Variants in SGPP1 observed in about 807,000 individuals in gnomAD.
SGPP1 encodes the protein sphingosine-1-phosphate phosphatase 1.
A neutral mutation model predicts 33.0 loss-of-function variants in SGPP1; 21 were observed. The observed-to-expected ratio is 0.64, with a 90% confidence interval of 0.45 to 0.92. SGPP1 has a LOEUF of 0.92. Ranked by LOEUF, SGPP1 falls within the 40% of genes least tolerant of loss-of-function variation. The pLI is 0.00. For synonymous variants in SGPP1, 239 were observed against 241.2 expected, an observed-to-expected ratio of 0.99 and a Z score of 0.08; for missense variants, 543 against 589.4, an observed-to-expected ratio of 0.92 and a Z score of 0.81.
At chr14:63,695,242 G>C (rs900192735) in intron 2 of SGPP1, among the ~76,000 whole-genome samples, 1 of 152,038 alleles carries the variant, frequency 6.6e-6, no homozygotes, top group East Asian at 1.9e-4. Flanking sequence ...ATTTTTAGTA[G>C]AGACGGGGTT....
At chr14:63,701,246 A>C (rs1372344278) in intron 1 of SGPP1, among the ~76,000 whole-genome samples, 2 of 152,092 alleles carry the variant, frequency 1.3e-5, no homozygotes, top group Non-Finnish European at 2.9e-5. Flanking sequence ...GGCCTCCCAC[A>C]GTACTGAGAT....
chr14:63,687,722 T>C (rs1885008325), intron 2 of SGPP1, among the ~76,000 whole-genome samples: 1 of 152,194 alleles, frequency 6.6e-6, no homozygotes, highest in Non-Finnish European at 1.5e-5. Flanking sequence ...TGATAGGAGC[T>C]GGGTGCAGTG....
rs762934191 is a variant in SGPP1, at chr14:63,686,561, A to G, written c.870T>C (p.Tyr290=). 13 of 1,614,128 alleles carry G rather than the reference A, an allele frequency of 8.1e-6. No homozygotes were observed. Among genetic ancestry groups the G allele is most frequent in the Non-Finnish European group, 1.1e-5 (13 of 1,179,980 alleles). ...LIDNFNQTHK[Y]APFIIIGLHL... Reference sequence around the variant, plus strand: ...GAAGCCCGATGATGATGAATGGAGCATATTTGTGAGTTTGGTTGAAGTTGT... The same window carrying G: ...GAAGCCCGATGATGATGAATGGAGCGTATTTGTGAGTTTGGTTGAAGTTGT... Residue 290 remains tyrosine, a synonymous_variant, in exon 3 of 3, where the codon TAT becomes TAC. Transcript: ENST00000247225.
intron 1 of SGPP1, among the ~76,000 whole-genome samples, chr14:63,721,887 C>T (rs543339511): frequency 6.6e-6 from 1 of 152,284 alleles, no homozygotes; most frequent in African/African-American, 2.4e-5. Context: ...TATGTATGTA[C>T]ATACACAAAC....
chr14:63,689,710 C>T (rs557576527), intron 2 of SGPP1, among the ~76,000 whole-genome samples: 77 of 151,682 alleles, frequency 5.1e-4, no homozygotes, highest in African/African-American at 1.8e-3. Flanking sequence ...GCAGGAGAAT[C>T]GCTTAGAACC....
intron 1 of SGPP1, among the ~76,000 whole-genome samples, chr14:63,717,928 G>A (rs1054464180): frequency 6.6e-6 from 1 of 152,118 alleles, no homozygotes; most frequent in African/African-American, 2.4e-5. Context: ...AAGCCAGAAG[G>A]CAATGGTACA....
At chr14:63,710,472 A>G (rs2139646451) in intron 1 of SGPP1, among the ~76,000 whole-genome samples, 1 of 152,294 alleles carries the variant, frequency 6.6e-6, no homozygotes, top group Non-Finnish European at 1.5e-5. Flanking sequence ...AATAACAGAA[A>G]CCAATTTAGA....
At chr14:63,704,045 T>C (rs1166045848) in intron 1 of SGPP1, among the ~76,000 whole-genome samples, 1 of 152,066 alleles carries the variant, frequency 6.6e-6, no homozygotes, top group Non-Finnish European at 1.5e-5. Flanking sequence ...CAGGCTGGTC[T>C]CCAACTCCTG....
At chr14:63,719,567 G>A (rs1362629146) in intron 1 of SGPP1, among the ~76,000 whole-genome samples, 1 of 151,734 alleles carries the variant, frequency 6.6e-6, no homozygotes, top group Non-Finnish European at 1.5e-5. Context: ...AAAACTAAAG[G>A]TATTGGAATA....
intron 1 of SGPP1, among the ~76,000 whole-genome samples, chr14:63,702,331 A>G (rs1885316744): frequency 6.6e-6 from 1 of 152,282 alleles, no homozygotes; most frequent in East Asian, 1.9e-4. Context: ...AGAAAACAAA[A>G]TAAGTCATTT....
intron 1 of SGPP1, among the ~76,000 whole-genome samples, chr14:63,725,315 A>G (rs898567113): frequency 4.6e-5 from 7 of 152,194 alleles, no homozygotes; most frequent in Non-Finnish European, 1.0e-4. Flanking sequence ...CAGAGGTTGC[A>G]GTGAGCCGAG....
In SGPP1 at chr14:63,708,297, C is replaced by T. The variant is rs183797258; in HGVS notation, c.685-9639G>A. On this transcript the variant is annotated intron_variant, in intron 1 of 2. Transcript: ENST00000247225. ...TTGAGATGGAGTTTCCCTCTTGTCTCCCAGGCTGGAGTGCAATGCCCCATC... is the reference window on the plus strand; with the variant it reads ...TTGAGATGGAGTTTCCCTCTTGTCTTCCAGGCTGGAGTGCAATGCCCCATC... 6.7e-5 allele frequency among the ~76,000 whole-genome samples: 9 copies of T among 133,768 alleles called. No individual in the cohort carries two copies. In the East Asian group the frequency reaches 1.7e-3, roughly 26 times the overall value. The allele number at this position is 133,768 out of a possible 152,430, so 87.8% of individuals were successfully genotyped here.
chr14:63,685,943 G>C lies in SGPP1; in HGVS notation c.*162C>G. The C allele has an allele frequency of 2.0e-6, 1 of 504,060 alleles. No homozygotes were observed. Among genetic ancestry groups the C allele is most frequent in the Non-Finnish European group, 3.5e-6 (1 of 286,542 alleles). The allele number at this position is 504,060 out of a possible 1,614,324, so 31.2% of individuals were successfully genotyped here. A position where few individuals can be genotyped will look rare whatever the true frequency, so the allele number is the denominator to read the frequency against. On this transcript the variant is annotated 3_prime_UTR_variant, in exon 3 of 3. Transcript: ENST00000247225. ...CTCAGCTCACCTAAAACAGTATCTGGATGTGCAATGATAAAATGCACTGAC... is the reference window on the plus strand; with the variant it reads ...CTCAGCTCACCTAAAACAGTATCTGCATGTGCAATGATAAAATGCACTGAC...
chr14:63,701,174 G>T (rs1885291656), intron 1 of SGPP1, among the ~76,000 whole-genome samples: 1 of 151,944 alleles, frequency 6.6e-6, no homozygotes, highest in Admixed American at 6.6e-5. Context: ...GCAGAGACAG[G>T]GTCTCGCCAT....
chr14:63,719,872 T>C (rs1311036354), intron 1 of SGPP1, among the ~76,000 whole-genome samples: 1 of 149,226 alleles, frequency 6.7e-6, no homozygotes, highest in Non-Finnish European at 1.5e-5. Flanking sequence ...CCCAGAACTT[T>C]GGGAGGCAGA....
chr14:63,720,700 C>T (rs1289725201), intron 1 of SGPP1, among the ~76,000 whole-genome samples: 1 of 152,036 alleles, frequency 6.6e-6, no homozygotes, highest in Non-Finnish European at 1.5e-5. Flanking sequence ...CCGGAGGTTG[C>T]GGTGAGCCAA....
chr14:63,686,566 T>C lies in SGPP1; in HGVS notation c.865A>G (p.Lys289Glu), dbSNP rs201068316. 2.0e-4 allele frequency: 328 copies of C among 1,613,972 alleles called. No individual in the cohort carries two copies. Among genetic ancestry groups the C allele is most frequent in the Non-Finnish European group, 1.2e-4 (143 of 1,179,998 alleles). Residue 289 changes from lysine to glutamate, a missense_variant, in exon 3 of 3, where the codon AAA (lysine) becomes GAA (glutamate). Coordinates refer to ENST00000247225, the MANE Select transcript of SGPP1 (RefSeq NM_030791.4). ...CCGATGATGATGAATGGAGCATATTTGTGAGTTTGGTTGAAGTTGTCAATC... is the reference window on the plus strand; with the variant it reads ...CCGATGATGATGAATGGAGCATATTCGTGAGTTTGGTTGAAGTTGTCAATC... ...DLIDNFNQTHKYAPFIIIGLH... is the reference protein window; with the variant it reads ...DLIDNFNQTHEYAPFIIIGLH...
intron 2 of SGPP1, among the ~76,000 whole-genome samples, chr14:63,695,762 T>C (rs1042679870): frequency 2.0e-5 from 3 of 152,020 alleles, no homozygotes; most frequent in African/African-American, 7.2e-5. Flanking sequence ...AATTTAAAAA[T>C]TAGCTGGGCA....
intron 2 of SGPP1, among the ~76,000 whole-genome samples, chr14:63,696,618 G>A (rs754813021): frequency 1.4e-4 from 21 of 152,214 alleles, no homozygotes; most frequent in Non-Finnish European, 2.6e-4. Context: ...TCAGAAAGAA[G>A]TGTATGTAAA....
Sources: allele counts gnomAD v4.1 joint callset (sites outside exome capture counted in the v4.1 genomes callset), GRCh38; gene constraint gnomAD v4.1.1; transcripts MANE v1.5; gene names NCBI Gene and HGNC (gene_info 2026-07-23, HGNC 2026-07-21).